CHD1L: variants seen among roughly 807,000 people sequenced by gnomAD.
CHD1L encodes the protein chromodomain helicase DNA binding protein 1 like, also known as ATP-dependent chromatin remodeler CHD1L.
Under a neutral mutation model 115.9 loss-of-function variants are expected in CHD1L, and 118 were observed. The observed-to-expected ratio is 1.02, with a 90% CI of 0.88 to 1.19. The LOEUF (loss-of-function observed/expected upper bound fraction) is 1.19. Ranked by LOEUF, CHD1L falls within the 50% of genes most tolerant of loss-of-function variation. CHD1L has a pLI of 0.00. For missense variants in CHD1L, 1,179 were observed against 1,065.3 expected, an observed-to-expected ratio of 1.11 and a Z score of -1.49; for synonymous variants, 411 against 387.1, an observed-to-expected ratio of 1.06 and a Z score of -0.72.
At chr1:147,283,470 T>G (rs1346822003) in intron 15 of CHD1L, among the ~76,000 whole-genome samples, 8 of 152,230 alleles carry the variant, frequency 5.3e-5, no homozygotes, top group African/African-American at 7.2e-5. Flanking sequence ...GTCCTGACTT[T>G]TCTTAATCAC....
intron 15 of CHD1L, among the ~76,000 whole-genome samples, chr1:147,282,378 A>G (rs1681247908): frequency 6.6e-6 from 1 of 152,174 alleles, no homozygotes; most frequent in Admixed American, 6.5e-5. Flanking sequence ...TTTGGGGTGC[A>G]GATCTTCTCT....
chr1:147,178,644 C>T, the CHD1L span: 1 of 1,586,090 alleles, frequency 6.3e-7, no homozygotes. Flanking sequence ...CAGCCAGCAA[C>T]TTGAGGGATA....
intron 2 of CHD1L, 95 bp from the exon 3 acceptor site, chr1:147,254,773 AAC>A: frequency 1.4e-6 from 1 of 727,224 alleles, no homozygotes; most frequent in Non-Finnish European, 2.2e-6. Flanking sequence ...ACAAGTCTTA[AAC>A]AAGAGTGTGT....
the CHD1L span, among the ~76,000 whole-genome samples, chr1:147,197,431 T>C: frequency 1.3e-5 from 2 of 152,148 alleles, no homozygotes; most frequent in African/African-American, 4.8e-5. Flanking sequence ...GGTTTGGCTG[T>C]GTCCCCACCC....
At chr1:147,277,013 C>A (rs1421216011) in intron 14 of CHD1L, among the ~76,000 whole-genome samples, 1 of 152,000 alleles carries the variant, frequency 6.6e-6, no homozygotes, top group Non-Finnish European at 1.5e-5. Context: ...GAAGGAAGGA[C>A]AGGAGTTGGC....
At chr1:147,270,809 A>G (rs1254365137) in intron 10 of CHD1L, 123 bp from the exon 11 acceptor site, 1 of 762,042 alleles carries the variant, frequency 1.3e-6, no homozygotes, top group Non-Finnish European at 2.2e-6. Flanking sequence ...AAATCATACG[A>G]CACTTATATT....
At chr1:147,206,731 G>C in the CHD1L span, among the ~76,000 whole-genome samples, 5 of 152,190 alleles carry the variant, frequency 3.3e-5, no homozygotes, top group African/African-American at 1.2e-4. Context: ...CTTGGACACA[G>C]GAAGGGGAAC....
the CHD1L span, chr1:147,224,048 C>A: frequency 5.0e-6 from 2 of 401,828 alleles, no homozygotes; most frequent in Non-Finnish European, 9.8e-6. Flanking sequence ...TCCCATCGAG[C>A]TGGTTGTCTT....
At chr1:147,202,956 A>G in the CHD1L span, among the ~76,000 whole-genome samples, 6 of 152,220 alleles carry the variant, frequency 3.9e-5, no homozygotes, top group African/African-American at 1.4e-4. Flanking sequence ...AGATGATACA[A>G]TTGTCTTTAG....
the CHD1L span, among the ~76,000 whole-genome samples, chr1:147,228,962 C>G: frequency 0.014 from 2,072 of 152,182 alleles, 19 homozygotes; most frequent in Non-Finnish European, 0.019. Context: ...GGTAGGTTGC[C>G]TGTTCACTCT....
chr1:147,198,009 C>G, the CHD1L span, among the ~76,000 whole-genome samples: 1 of 152,122 alleles, frequency 6.6e-6, no homozygotes, highest in Non-Finnish European at 1.5e-5. Flanking sequence ...TGGTGGTAGG[C>G]CTTCAGTCTG....
chr1:147,202,707 C>G, the CHD1L span, among the ~76,000 whole-genome samples: 1 of 152,106 alleles, frequency 6.6e-6, no homozygotes, highest in Non-Finnish European at 1.5e-5. Context: ...TTTAAATTAC[C>G]ACTACTGGTT....
At chr1:147,256,681 GT>G in intron 5 of CHD1L, 119 bp downstream of exon 5, 1 of 930,104 alleles carries the variant, frequency 1.1e-6, no homozygotes. Flanking sequence ...CATGAGTTCT[GT>G]TTATGGGTAG....
In CHD1L at chr1:147,276,108, G is replaced by T; in HGVS notation, c.1390G>T (p.Val464Phe). 2 of 1,614,028 alleles carry T rather than the reference G, an allele frequency of 1.2e-6. No individual in the cohort carries two copies. Among genetic ancestry groups the T allele is most frequent in the Non-Finnish European group, 8.5e-7 (1 of 1,179,930 alleles). Residue 464 changes from valine (V) to phenylalanine (F), a missense_variant, in exon 14 of 23, where the codon GTT becomes TTT. Transcript: ENST00000369258. ...CCTTGTTTGACTTATGTCCAGGTCTGTTAAAGTTATTCGGCTGATTGGTCG... is the reference window on the plus strand; with the variant it reads ...CCTTGTTTGACTTATGTCCAGGTCTTTTAAAGTTATTCGGCTGATTGGTCG... The part of the protein sequence containing the change: ...RAHRIGQNKS[V>F]KVIRLIGRDT...
chr1:147,252,031 G>T (rs1668574287), intron 1 of CHD1L, among the ~76,000 whole-genome samples: 1 of 152,006 alleles, frequency 6.6e-6, no homozygotes, highest in Non-Finnish European at 1.5e-5. Flanking sequence ...TTTGAAATTG[G>T]ATTTTTTTCA....
the CHD1L span, among the ~76,000 whole-genome samples, chr1:147,183,802 GGA>G: frequency 6.6e-6 from 1 of 152,158 alleles, no homozygotes; most frequent in Non-Finnish European, 1.5e-5. Flanking sequence ...TAGGCAATCT[GGA>G]GGTTGTTTAA....
the CHD1L span, among the ~76,000 whole-genome samples, chr1:147,219,432 C>A: frequency 5.9e-5 from 9 of 152,006 alleles, no homozygotes; most frequent in Admixed American, 5.2e-4. Flanking sequence ...TTGTACAACA[C>A]CCATTCATGA....
the CHD1L span, among the ~76,000 whole-genome samples, chr1:147,233,620 G>T: frequency 2.0e-5 from 3 of 152,232 alleles, no homozygotes; most frequent in South Asian, 4.1e-4. Context: ...TTGAGAACAG[G>T]CCATGATGAC....
intron 15 of CHD1L, among the ~76,000 whole-genome samples, chr1:147,282,098 C>T (rs932013480): frequency 5.9e-5 from 9 of 152,124 alleles, no homozygotes; most frequent in African/African-American, 9.7e-5. Flanking sequence ...TCTGGTATTC[C>T]CTGGCTGTCT....
Sources: gnomAD v4.1 joint callset for allele counts (sites outside exome capture counted in the v4.1 genomes callset) on GRCh38, gnomAD v4.1.1 for gene constraint, MANE v1.5 for transcripts, NCBI Gene and HGNC (gene_info 2026-07-23, HGNC 2026-07-21) for gene names.